Variants in ITGAM observed in about 807,000 individuals in gnomAD.
The protein encoded by ITGAM is integrin subunit alpha M, also known as integrin alpha-M.
Under a neutral mutation model 137.5 loss-of-function variants are expected in ITGAM, and 79 were observed. The ratio of observed to expected loss-of-function variants is 0.57; its 90% CI spans 0.48 to 0.69. ITGAM has a LOEUF of 0.69. Among genes scored for constraint, ITGAM ranks in the 30% least tolerant of loss-of-function variants. The pLI, the probability that ITGAM is intolerant of heterozygous loss-of-function variation, is 0.00. For synonymous variants in ITGAM, 583 were observed against 592.3 expected (o/e 0.98, Z 0.23); for missense variants, 1,343 against 1,483.5 (o/e 0.91, Z 1.56).
chr16:31,327,312 C>T (rs893836263), intron 22 of ITGAM, among the ~76,000 whole-genome samples: 2 of 151,832 alleles, frequency 1.3e-5, no homozygotes, highest in South Asian at 4.2e-4. Flanking sequence ...AGGAGCTGGG[C>T]GTGCTGGCTC....
At chr16:31,272,209 T>C (rs1479641129) in intron 7 of ITGAM, among the ~76,000 whole-genome samples, 1 of 151,064 alleles carries the variant, frequency 6.6e-6, no homozygotes, top group Non-Finnish European at 1.5e-5. Flanking sequence ...GGAGGGAAGC[T>C]ACAAAGATCA....
chr16:31,326,732 T>A, intron 21 of ITGAM, 124 bp from the exon 22 acceptor site: 1 of 729,652 alleles, frequency 1.4e-6, no homozygotes, highest in Non-Finnish European at 2.4e-6. Context: ...TGCTTTTTAT[T>A]TGGTGAACAA....
At chr16:31,292,104 T>C (rs1474274789) in intron 12 of ITGAM, among the ~76,000 whole-genome samples, 1 of 152,022 alleles carries the variant, frequency 6.6e-6, no homozygotes, top group Non-Finnish European at 1.5e-5. Context: ...ATCCTAGAAG[T>C]ATATTTTGCA....
chr16:31,325,645 C>T, intron 21 of ITGAM, 23 bp downstream of exon 21: 1 of 1,597,386 alleles, frequency 6.3e-7, no homozygotes, highest in Non-Finnish European at 8.5e-7. Context: ...GGCTCCTCCC[C>T]TCCTTTTCTC....
In ITGAM at chr16:31,321,049, C is replaced by T. The variant is rs577674372; in HGVS notation, c.1708-192C>T. On this transcript the variant is annotated intron_variant, in intron 14 of 29. Transcript: ENST00000544665. Reference sequence around the variant, plus strand: ...TTAAAAAAGAAATTGTAGGTATCCTCTTGAGGTTGTGGTCTAAAGGTGAAT... The same window carrying T: ...TTAAAAAAGAAATTGTAGGTATCCTTTTGAGGTTGTGGTCTAAAGGTGAAT... Among the ~76,000 whole-genome samples, 5 of 152,206 alleles carry T rather than the reference C, an allele frequency of 3.3e-5. No homozygotes were observed. In the South Asian group the frequency reaches 1.0e-3, roughly 32 times the overall value.
At chr16:31,265,767 C>G (rs762765128) in intron 3 of ITGAM, 44 bp from the exon 4 acceptor site, 2 of 1,565,460 alleles carry the variant, frequency 1.3e-6, no homozygotes, top group South Asian at 1.1e-5. Flanking sequence ...ACAGCCTTCT[C>G]TGTCCCCCCA....
At chr16:31,269,988 TG>T (rs2079810768) in intron 5 of ITGAM, among the ~76,000 whole-genome samples, 1 of 152,138 alleles carries the variant, frequency 6.6e-6, no homozygotes, top group Non-Finnish European at 1.5e-5. Flanking sequence ...TGAGCGGCAA[TG>T]GGTAGAAAGT....
intron 25 of ITGAM, 80 bp from the exon 26 acceptor site, chr16:31,330,000 TG>T: frequency 6.5e-7 from 1 of 1,547,410 alleles, no homozygotes; most frequent in Non-Finnish European, 8.8e-7. Flanking sequence ...GCCCCTCTCC[TG>T]GACCCAGGCC....
intron 12 of ITGAM, among the ~76,000 whole-genome samples, chr16:31,291,942 G>A (rs2080091358): frequency 6.6e-6 from 1 of 152,032 alleles, no homozygotes; most frequent in Admixed American, 6.6e-5. Context: ...GAATGGAATT[G>A]GAATGTTCCC....
At chr16:31,311,645 G>C (rs1218092316) in intron 14 of ITGAM, among the ~76,000 whole-genome samples, 1 of 152,202 alleles carries the variant, frequency 6.6e-6, no homozygotes, top group Non-Finnish European at 1.5e-5. Context: ...GCAGGTGTTG[G>C]AGAGGATGTG....
At position 31,278,148 on chromosome 16, in the gene ITGAM, G is replaced by A. The variant is rs373579494; in HGVS notation, c.1356+39G>A. 237 of 1,571,376 alleles carry A rather than the reference G, an allele frequency of 1.5e-4. No homozygotes were observed. In the Middle Eastern group the frequency reaches 3.4e-3, roughly 22 times the overall value. On this transcript the variant is annotated intron_variant, in intron 12 of 29. Transcript: ENST00000544665. ...GTGGAGCATGAATGTGCAAACAGAG[G>A]CGCCCTGGGGTCTTAGAGATTCCAG...
intron 1 of ITGAM, 50 bp from the exon 2 acceptor site, chr16:31,261,642 A>C (rs1234951545): frequency 7.3e-6 from 9 of 1,239,426 alleles, no homozygotes; most frequent in Non-Finnish European, 9.3e-6. Context: ...ACAGCCCCTA[A>C]CTGGCATGCT....
chr16:31,319,748 C>T (rs999335074), intron 14 of ITGAM, among the ~76,000 whole-genome samples: 1 of 151,726 alleles, frequency 6.6e-6, no homozygotes, highest in Admixed American at 6.6e-5. Context: ...TCTTCTCTTG[C>T]TGTCTTCCTT....
At chr16:31,270,699 GTATATA>G (rs869206231) in intron 5 of ITGAM, among the ~76,000 whole-genome samples, 359 of 25,974 alleles carry the variant, frequency 0.014, 10 homozygotes, top group East Asian at 0.048. Flanking sequence ...GTGTGTGTGT[GTATATA>G]TATATATATA....
At chr16:31,271,435 C>T (rs988182392) in intron 6 of ITGAM, among the ~76,000 whole-genome samples, 1 of 152,252 alleles carries the variant, frequency 6.6e-6, no homozygotes, top group African/African-American at 2.4e-5. Flanking sequence ...TCACTGCAAC[C>T]TCCGCCTCCC....
At chr16:31,261,154 C>T (rs550766837) in intron 1 of ITGAM, among the ~76,000 whole-genome samples, 3 of 151,184 alleles carry the variant, frequency 2.0e-5, no homozygotes, top group East Asian at 3.9e-4. Context: ...TTAGGGTGAC[C>T]GAATGGATGG....
intron 12 of ITGAM, among the ~76,000 whole-genome samples, chr16:31,283,737 C>A (rs1296381053): frequency 6.6e-6 from 1 of 152,212 alleles, no homozygotes; most frequent in Non-Finnish European, 1.5e-5. Flanking sequence ...TCGTTAAAGT[C>A]ATTCTCCGTC....
At chr16:31,277,197 C>A in intron 11 of ITGAM, 148 bp downstream of exon 11, 1 of 707,564 alleles carries the variant, frequency 1.4e-6, no homozygotes, top group East Asian at 3.4e-5. Flanking sequence ...AAGACAGAAA[C>A]TTCAATTTTT....
chr16:31,269,443 A>G (rs975019415), intron 5 of ITGAM, among the ~76,000 whole-genome samples: 1 of 152,206 alleles, frequency 6.6e-6, no homozygotes, highest in Non-Finnish European at 1.5e-5. Context: ...ACTATAAACT[A>G]TAAACTATAA....
Sources: gnomAD v4.1 joint callset for allele counts (sites outside exome capture counted in the v4.1 genomes callset) on GRCh38, gnomAD v4.1.1 for gene constraint, MANE v1.5 for transcripts, NCBI Gene and HGNC (gene_info 2026-07-23, HGNC 2026-07-21) for gene names.